TIE1: variants seen among roughly 807,000 people sequenced by gnomAD.
TIE1 encodes the protein tyrosine kinase with immunoglobulin like and EGF like domains 1.
A neutral mutation model predicts 130.5 loss-of-function variants in TIE1; 89 were observed. The observed-to-expected ratio is 0.68, with a 90% CI of 0.57 to 0.81. The LOEUF (loss-of-function observed/expected upper bound fraction) is 0.81, where lower values mean the gene tolerates loss of function less well. TIE1 is among the 40% of genes least tolerant of loss of function. The pLI is 0.00. For missense variants in TIE1, 1,392 were observed against 1,559.8 expected (o/e 0.89, Z 1.81); for synonymous variants, 568 against 629.4 (o/e 0.90, Z 1.46).
intron 10 of TIE1, 40 bp from the exon 11 acceptor site, chr1:43,311,954 G>A (rs985336615): frequency 9.0e-6 from 14 of 1,562,720 alleles, no homozygotes; most frequent in Non-Finnish European, 1.2e-5. Flanking sequence ...TCTAGAAGAG[G>A]TGGGGGCTGA....
In TIE1 at chr1:43,307,411, C is replaced by T. The variant is rs773188803; in HGVS notation, c.773-21C>T. 7 of 1,613,708 alleles carry T rather than the reference C, an allele frequency of 4.3e-6. No individual in the cohort carries two copies. Among genetic ancestry groups the T allele is most frequent in the Middle Eastern group, 1.7e-4 (1 of 6,002 alleles). On this transcript the variant is annotated intron_variant, in intron 5 of 22. Coordinates refer to ENST00000372476, the MANE Select transcript of TIE1 (RefSeq NM_005424.5). The surrounding 1 kb of genome is among the most constrained non-coding windows in gnomAD (Gnocchi z 5.4). ...CCAGGGGCCCACAGAGGCCCATACA[C>T]CCCACACACTCTCTTTCTAGCCTGC...
chr1:43,320,251 C>A (rs1646900878), intron 19 of TIE1: 1 of 152,732 alleles, frequency 6.5e-6, no homozygotes, highest in Admixed American at 6.5e-5. Flanking sequence ...CTTGCTCTGC[C>A]ACTAACTAGC....
At position 43,318,058 on chromosome 1, in the gene TIE1, C is replaced by T; in HGVS notation, c.2908C>T (p.Leu970=). The change falls in exon 17 of 23, where the codon CTG becomes TTG. Residue 970 remains leucine (L), a synonymous_variant. Coordinates refer to ENST00000372476, the MANE Select transcript of TIE1 (RefSeq NM_005424.5). This position sits in a 1 kb window ranked among gnomAD's most constrained non-coding sequence, Gnocchi z 4.4. ...TGATGCGGCCAATGGCATGCAGTAC[C>T]TGAGTGAGAAGCAGGTGTGTGTGAG... The part of the protein sequence containing the change: ...ASDAANGMQY[L]SEKQFIHRDL... The T allele has an allele frequency of 4.5e-6, 7 of 1,557,588 alleles. No homozygotes were observed. Among genetic ancestry groups the T allele is most frequent in the Non-Finnish European group, 6.1e-6 (7 of 1,150,482 alleles).
chr1:43,322,151 T>C lies in TIE1; in HGVS notation c.3345+436T>C, dbSNP rs1646926991. On this transcript the variant is annotated intron_variant, in intron 22 of 22. Coordinates refer to ENST00000372476, the MANE Select transcript of TIE1 (RefSeq NM_005424.5). The surrounding 1 kb of genome is among the most constrained non-coding windows in gnomAD (Gnocchi z 4.0). ...ATGAATGGAATTAGTGGATAGATGATACAATAATCATATGAACATGTAATT... is the reference window on the plus strand; with the variant it reads ...ATGAATGGAATTAGTGGATAGATGACACAATAATCATATGAACATGTAATT... 6.6e-6 allele frequency among the ~76,000 whole-genome samples: 1 copy of C among 152,190 alleles called. No individual in the cohort carries two copies. Among genetic ancestry groups the C allele is most frequent in the Non-Finnish European group, 1.5e-5 (1 of 68,034 alleles).
Position 43,319,455 on chromosome 1 carries a change from C to T in TIE1, c.3037-4C>T, listed in dbSNP as rs769316817. On this transcript the variant is annotated splice_region_variant and splice_polypyrimidine_tract_variant and intron_variant, in intron 18 of 22. Coordinates refer to ENST00000372476, the MANE Select transcript of TIE1 (RefSeq NM_005424.5). This position sits in a 1 kb window ranked among gnomAD's most constrained non-coding sequence, Gnocchi z 4.7. ...CTCAGCCCCTCAAACCCATTCTCTCCTAGGGGCGTCTCCCTGTGCGCTGGA... is the reference window on the plus strand; with the variant it reads ...CTCAGCCCCTCAAACCCATTCTCTCTTAGGGGCGTCTCCCTGTGCGCTGGA... 2 of 1,614,030 alleles carry T rather than the reference C, an allele frequency of 1.2e-6. No homozygotes were observed. Among genetic ancestry groups the T allele is most frequent in the Middle Eastern group, 1.6e-4 (1 of 6,084 alleles).
At position 43,316,138 on chromosome 1, in the gene TIE1, C is replaced by T. The variant is rs1646856202; in HGVS notation, c.2410-1061C>T. On this transcript the variant is annotated intron_variant, in intron 14 of 22. Transcript: ENST00000372476. This position sits in a 1 kb window ranked among gnomAD's most constrained non-coding sequence, Gnocchi z 4.4. The stretch of plus-strand genomic sequence containing the variant: ...CGTGTGTGCACAAATGTGTGTGCTC[C>T]ATGTATGAGTGCACACGTGCATCCC... Among the ~76,000 whole-genome samples the T allele has an allele frequency of 3.9e-5, 6 of 152,196 alleles. No individual in the cohort carries two copies. Among genetic ancestry groups the T allele is most frequent in the Admixed American group, 3.9e-4 (6 of 15,282 alleles).
chr1:43,314,052 CTT>C (rs1557450305), intron 14 of TIE1, 84 bp downstream of exon 14: 2 of 1,345,246 alleles, frequency 1.5e-6, no homozygotes, highest in South Asian at 1.2e-5. Context: ...CCTTGTACAC[CTT>C]GTGTGTGTGT....
In TIE1 at chr1:43,316,050, C is replaced by A. The variant is rs1646855450; in HGVS notation, c.2410-1149C>A. On this transcript the variant is annotated intron_variant, in intron 14 of 22. Transcript: ENST00000372476. The surrounding 1 kb of genome is among the most constrained non-coding windows in gnomAD (Gnocchi z 4.4). ...CTTCCGCCTGGGCAACAGAGCGAGA[C>A]CTTGTCTCAAAACAAACAAAAAGAT... Among the ~76,000 whole-genome samples the A allele has an allele frequency of 6.6e-6, 1 of 152,168 alleles. No individual in the cohort carries two copies. The highest frequency in any genetic ancestry group is 6.5e-5 in the Admixed American group (1 of 15,278).
rs1378825037 is a variant in TIE1, at chr1:43,307,779, A to T, written c.914-17A>T. The T allele has an allele frequency of 1.2e-6, 2 of 1,613,064 alleles. No homozygotes were observed. ...CCCTGTCCCATGCCCCTCTAATCATACCTCCTCTATTCCCAGCTTGTGCCC... is the reference window on the plus strand; with the variant it reads ...CCCTGTCCCATGCCCCTCTAATCATTCCTCCTCTATTCCCAGCTTGTGCCC... On this transcript the variant is annotated splice_polypyrimidine_tract_variant and intron_variant, in intron 6 of 22. Transcript: ENST00000372476. The surrounding 1 kb of genome is among the most constrained non-coding windows in gnomAD (Gnocchi z 5.4).
chr1:43,314,380 C>G lies in TIE1; in HGVS notation c.2409+412C>G, dbSNP rs7543620. 1.1e-4 allele frequency: 130 copies of G among 1,133,108 alleles called. 1 individual carries two copies. In the African/African-American group the frequency reaches 1.9e-3, roughly 16 times the overall value. The allele number at this position is 1,133,108 out of a possible 1,614,324, so 70.2% of individuals were successfully genotyped here. On this transcript the variant is annotated intron_variant, in intron 14 of 22. Coordinates refer to ENST00000372476, the MANE Select transcript of TIE1 (RefSeq NM_005424.5). ...GGGTTCATGCTGGCTTTTGTCCTTGCAGGCCTTCCTGGGCTCGGGAGCCAG... is the reference window on the plus strand; with the variant it reads ...GGGTTCATGCTGGCTTTTGTCCTTGGAGGCCTTCCTGGGCTCGGGAGCCAG...
At chr1:43,321,799 C>A in intron 22 of TIE1, 84 bp downstream of exon 22, 1 of 1,311,152 alleles carries the variant, frequency 7.6e-7, no homozygotes, top group Non-Finnish European at 1.1e-6. Context: ...ACCCCTGTCC[C>A]AACCACACTG....
In TIE1 at chr1:43,319,105, G is replaced by A; in HGVS notation, c.2923-130G>A. 1 of 674,652 alleles carries A rather than the reference G, an allele frequency of 1.5e-6. No individual in the cohort carries two copies. Among genetic ancestry groups the A allele is most frequent in the Non-Finnish European group, 2.7e-6 (1 of 375,592 alleles). 41.8% of individuals were successfully genotyped at this position (674,652 alleles called of 1,614,324 possible). A position where few individuals can be genotyped will look rare whatever the true frequency, so the allele number is the denominator to read the frequency against. On this transcript the variant is annotated intron_variant, in intron 17 of 22. Coordinates refer to ENST00000372476, the MANE Select transcript of TIE1 (RefSeq NM_005424.5). This position sits in a 1 kb window ranked among gnomAD's most constrained non-coding sequence, Gnocchi z 4.7. Reference sequence around the variant, plus strand: ...CAGATATGAGTCAGCTGACGAGATTGCAGCCAGGAGGGTAGGAGTATGGGG... The same window carrying A: ...CAGATATGAGTCAGCTGACGAGATTACAGCCAGGAGGGTAGGAGTATGGGG...
Position 43,313,290 on chromosome 1 carries a change from G to A in TIE1, c.2083G>A (p.Val695Met), listed in dbSNP as rs774808164. The part of the protein sequence containing the change: ...GGAGDPLWID[V>M]DRPEETSTII... The stretch of plus-strand genomic sequence containing the variant: ...TGCAGGAGACCCACTGTGGATAGAC[G>A]TGGACAGGCCTGAGGAGACAAGCAC... Residue 695 changes from valine to methionine, a missense_variant, in exon 13 of 23, where the codon GTG becomes ATG. Val to Met is a conservative substitution (Grantham distance 21, BLOSUM62 1). This residue lies in a region of TIE1 where 551 missense variants were observed against 565.5 expected (regional missense o/e 0.97). Transcript: ENST00000372476. The surrounding 1 kb of genome is among the most constrained non-coding windows in gnomAD (Gnocchi z 6.2). The A allele has an allele frequency of 3.1e-6, 5 of 1,614,030 alleles. No homozygotes were observed. The highest frequency in any genetic ancestry group is 1.1e-5 in the South Asian group (1 of 91,080).
Position 43,313,528 on chromosome 1 carries a change from G to A in TIE1, c.2218+103G>A. 7.1e-7 allele frequency: 1 copy of A among 1,417,372 alleles called. No homozygotes were observed. Among genetic ancestry groups the A allele is most frequent in the Non-Finnish European group, 9.6e-7 (1 of 1,040,718 alleles). 87.8% of individuals were successfully genotyped at this position (1,417,372 alleles called of 1,614,324 possible). On this transcript the variant is annotated intron_variant, in intron 13 of 22. Transcript: ENST00000372476. This position sits in a 1 kb window ranked among gnomAD's most constrained non-coding sequence, Gnocchi z 6.2. ...CTACTGTGGAGCTAGGGCATCCCAG[G>A]CCCCTCCTGACAAAGAGTCAGCCCC...
intron 9 of TIE1, among the ~76,000 whole-genome samples, chr1:43,310,256 A>G (rs1250414054): frequency 1.3e-5 from 2 of 152,034 alleles, no homozygotes; most frequent in Non-Finnish European, 2.9e-5. Context: ...TCTGCCATCA[A>G]GCCTCACCTT....
rs1457894680 is a variant in TIE1 at position 43,313,952 on chromosome 1, C to T, written c.2393C>T (p.Thr798Ile). ...RSCLHRRRTF[T>I]YQSGSGEETI... is the part of the protein sequence containing the mutation. Reference sequence around the variant, plus strand: ...TGCCTGCATCGGAGACGCACCTTCACCTACCAGTCAGGCTCGGTCAGTGAC... The same window carrying T: ...TGCCTGCATCGGAGACGCACCTTCATCTACCAGTCAGGCTCGGTCAGTGAC... The change falls in exon 14 of 23, where the codon ACC becomes ATC. Residue 798 changes from threonine (T) to isoleucine (I), a missense_variant. By Grantham distance (89) the Thr-to-Ile change is moderately conservative. This residue lies in a region of TIE1 where 286 missense variants were observed against 354.4 expected (regional missense o/e 0.81). Coordinates refer to ENST00000372476, the MANE Select transcript of TIE1 (RefSeq NM_005424.5). This position sits in a 1 kb window ranked among gnomAD's most constrained non-coding sequence, Gnocchi z 6.2. The T allele has an allele frequency of 2.5e-6, 4 of 1,614,062 alleles. No homozygotes were observed. The highest frequency in any genetic ancestry group is 4.5e-5 in the East Asian group (2 of 44,884).
rs1196686897 is a variant in TIE1 at position 43,312,239 on chromosome 1, G to C, written c.1631-66G>C. 1 of 1,512,358 alleles carries C rather than the reference G, an allele frequency of 6.6e-7. No individual in the cohort carries two copies. The highest frequency in any genetic ancestry group is 8.8e-7 in the Non-Finnish European group (1 of 1,130,074). 93.7% of individuals were successfully genotyped at this position (1,512,358 alleles called of 1,614,324 possible). ...GAGGTTGTTCTTCCTTGTTCACTGG[G>C]GATCATTGTCCTGTCCAGCCCCAAG... On this transcript the variant is annotated intron_variant, in intron 11 of 22. Coordinates refer to ENST00000372476, the MANE Select transcript of TIE1 (RefSeq NM_005424.5). The surrounding 1 kb of genome is among the most constrained non-coding windows in gnomAD (Gnocchi z 5.6).
rs761789044 is a variant in TIE1, at chr1:43,312,092, G to A, written c.1591G>A (p.Ala531Thr). 9.5e-6 allele frequency: 15 copies of A among 1,586,736 alleles called. No individual in the cohort carries two copies. Among genetic ancestry groups the A allele is most frequent in the Non-Finnish European group, 1.3e-5 (15 of 1,165,214 alleles). Residue 531 changes from alanine (A) to threonine (T), a missense_variant, in exon 11 of 23, where the codon GCC becomes ACC. Coordinates refer to ENST00000372476, the MANE Select transcript of TIE1 (RefSeq NM_005424.5). The surrounding 1 kb of genome is among the most constrained non-coding windows in gnomAD (Gnocchi z 5.6). ...CCGGCCAGGGGAAGGAGGAGAGGGG[G>A]CCTGGGGGCCTCCCACCCTCATGAC... ...LSRPGEGGEGAWGPPTLMTTD... is the reference protein window; with the variant it reads ...LSRPGEGGEGTWGPPTLMTTD...
chr1:43,319,648 G>T lies in TIE1; in HGVS notation c.3107+119G>T. The T allele has an allele frequency of 9.6e-7, 1 of 1,046,300 alleles. No individual in the cohort carries two copies. The allele number at this position is 1,046,300 out of a possible 1,614,324, so 64.8% of individuals were successfully genotyped here. On this transcript the variant is annotated intron_variant, in intron 19 of 22. Transcript: ENST00000372476. This position sits in a 1 kb window ranked among gnomAD's most constrained non-coding sequence, Gnocchi z 4.7. ...AAGGCATGACCTGGGCTGTGTTCCA[G>T]GTGTGACACAGGTGTGTCTTGGGTA...
Sources: allele counts gnomAD v4.1 joint callset (sites outside exome capture counted in the v4.1 genomes callset), GRCh38; gene constraint gnomAD v4.1.1; regional missense constraint gnomAD v4.1.1; non-coding constraint Gnocchi (gnomAD v3.1); transcripts MANE v1.5; gene names NCBI Gene and HGNC (gene_info 2026-07-23, HGNC 2026-07-21).